Variants in RAB27A observed in about 807,000 individuals in gnomAD.
The protein encoded by RAB27A is ras-related protein Rab-27A.
RAB27A carries 17 observed loss-of-function variants against 20.8 expected under a neutral mutation model. The observed-to-expected ratio is 0.82, with a 90% CI of 0.56 to 1.23. The LOEUF is 1.23. RAB27A is among the 50% of genes most tolerant of loss of function. The pLI is 0.00. For synonymous variants in RAB27A, 85 were observed against 92.8 expected (o/e 0.92, Z 0.48); for missense variants, 277 against 266.7 (o/e 1.04, Z -0.27).
intron 3 of RAB27A, among the ~76,000 whole-genome samples, chr15:55,234,496 A>G (rs750470261): frequency 5.9e-5 from 9 of 152,328 alleles, no homozygotes; most frequent in Admixed American, 2.6e-4. Context: ...AGACAAAGGT[A>G]GACAAATAAC....
chr15:55,315,198 G>A (rs1244630941), intron 1 of RAB27A, among the ~76,000 whole-genome samples: 1 of 152,144 alleles, frequency 6.6e-6, no homozygotes, highest in African/African-American at 2.4e-5. Flanking sequence ...TGGGAAAACT[G>A]GCTAGCCATA....
chr15:55,210,902 G>T (rs546501267), intron 6 of RAB27A, among the ~76,000 whole-genome samples: 1 of 152,016 alleles, frequency 6.6e-6, no homozygotes, highest in Admixed American at 6.6e-5. Context: ...TTTCAAGTCC[G>T]ATATTTAAGT....
intron 6 of RAB27A, among the ~76,000 whole-genome samples, chr15:55,209,197 C>T (rs1220608087): frequency 4.6e-5 from 7 of 152,114 alleles, no homozygotes; most frequent in Non-Finnish European, 8.8e-5. Context: ...TTGTTGTAAA[C>T]TATAGTCACC....
chr15:55,244,779 C>A (rs1896625594), intron 2 of RAB27A, among the ~76,000 whole-genome samples: 7 of 152,110 alleles, frequency 4.6e-5, no homozygotes, highest in Admixed American at 4.6e-4. Context: ...AATTATAACA[C>A]CACATGTTCT....
intron 1 of RAB27A, 34 bp downstream of exon 1, chr15:55,289,682 C>T (rs1456777089): frequency 6.5e-6 from 1 of 152,798 alleles, no homozygotes; most frequent in African/African-American, 2.4e-5. Context: ...GGACCGGACC[C>T]GCCGCGCGCC....
At chr15:55,309,494 G>A (rs1030933800) in intron 2 of RAB27A, among the ~76,000 whole-genome samples, 21 of 152,212 alleles carry the variant, frequency 1.4e-4, no homozygotes, top group Admixed American at 6.5e-5. Context: ...GTCCAGGTAT[G>A]AGAACTGGCT....
chr15:55,239,686 T>C lies in RAB27A; in HGVS notation c.-22-4730A>G, dbSNP rs886846577. Among the ~76,000 whole-genome samples, 15 of 152,242 alleles carry C rather than the reference T, an allele frequency of 9.9e-5. 1 individual carries two copies. The highest frequency in any genetic ancestry group is 3.1e-4 in the African/African-American group (13 of 41,552). On this transcript the variant is annotated intron_variant, in intron 2 of 6. Coordinates refer to ENST00000336787, the MANE Select transcript of RAB27A (RefSeq NM_183235.3). Reference sequence around the variant, plus strand: ...CATGACCCAACAATGAAGATTCTGATTGGGGAAAACCTTTAGCAAATTTGG... The same window carrying C: ...CATGACCCAACAATGAAGATTCTGACTGGGGAAAACCTTTAGCAAATTTGG...
intron 2 of RAB27A, among the ~76,000 whole-genome samples, chr15:55,302,317 C>A (rs1355022700): frequency 6.6e-6 from 1 of 152,186 alleles, no homozygotes; most frequent in African/African-American, 2.4e-5. Flanking sequence ...GCGAGTGATC[C>A]CGCCAACCTC....
intron 2 of RAB27A, among the ~76,000 whole-genome samples, chr15:55,243,699 T>C (rs911630342): frequency 1.3e-5 from 2 of 152,170 alleles, no homozygotes; most frequent in Non-Finnish European, 2.9e-5. Context: ...CTCTTTTTCC[T>C]TCATTCAATA....
At chr15:55,262,308 A>G (rs556318526) in intron 2 of RAB27A, among the ~76,000 whole-genome samples, 8 of 152,102 alleles carry the variant, frequency 5.3e-5, no homozygotes, top group East Asian at 2.0e-4. Context: ...TTGGGAGGCC[A>G]AGGTGGGCGA....
intron 1 of RAB27A, among the ~76,000 whole-genome samples, chr15:55,277,109 C>T (rs1164449258): frequency 2.6e-5 from 4 of 152,122 alleles, no homozygotes; most frequent in Non-Finnish European, 5.9e-5. Flanking sequence ...AAATGGTATA[C>T]TTGTGGCAGG....
chr15:55,291,604 A>G (rs988167851), upstream of RAB27A, among the ~76,000 whole-genome samples: 2 of 151,772 alleles, frequency 1.3e-5, no homozygotes, highest in Non-Finnish European at 2.9e-5. Context: ...CTGATCAGCT[A>G]AAATCTGGGA....
chr15:55,224,012 C>A lies in RAB27A; in HGVS notation c.344G>T (p.Ser115Ile), dbSNP rs183582444. Residue 115 changes from serine to isoleucine, a missense_variant and splice_region_variant, in exon 6 of 7, where the codon AGC (serine) becomes ATC (isoleucine). By Grantham distance (142) the Ser-to-Ile change is moderately radical. Transcript: ENST00000336787. ...ACAATATGCATGCATCTGTAGCTGG[C>A]CTATTAATATAAGAAAGTTTATTAT... ...QSFLNVRNWI[S>I]QLQMHAYCEN... The A allele has an allele frequency of 6.4e-7, 1 of 1,567,632 alleles. No homozygotes were observed. The highest frequency in any genetic ancestry group is 8.8e-7 in the Non-Finnish European group (1 of 1,138,500).
chr15:55,304,272 G>C (rs559860584), intron 2 of RAB27A, among the ~76,000 whole-genome samples: 161 of 150,590 alleles, frequency 1.1e-3, no homozygotes, highest in East Asian at 2.7e-3. Flanking sequence ...CAGCATGCTC[G>C]TTAAGAGTCA....
intron 6 of RAB27A, among the ~76,000 whole-genome samples, chr15:55,209,733 T>C (rs1237663714): frequency 1.3e-5 from 2 of 148,434 alleles, no homozygotes; most frequent in Non-Finnish European, 3.0e-5. Context: ...TATATACACA[T>C]ATATATACAC....
intron 2 of RAB27A, among the ~76,000 whole-genome samples, chr15:55,256,921 T>C (rs748114504): frequency 4.6e-5 from 7 of 152,222 alleles, no homozygotes; most frequent in Non-Finnish European, 8.8e-5. Flanking sequence ...TGGTGACAGT[T>C]GTCCCTTCTA....
chr15:55,287,053 G>A (rs1898175576), intron 1 of RAB27A, among the ~76,000 whole-genome samples: 1 of 150,320 alleles, frequency 6.7e-6, no homozygotes, highest in South Asian at 2.1e-4. Flanking sequence ...CTGAGTAGCT[G>A]TGATTACAGG....
intron 2 of RAB27A, among the ~76,000 whole-genome samples, chr15:55,305,766 G>C (rs899602875): frequency 6.6e-6 from 1 of 152,206 alleles, no homozygotes; most frequent in Non-Finnish European, 1.5e-5. Flanking sequence ...CTGCTGCTAG[G>C]AAGTTAAGTT....
At chr15:55,307,978 T>C (rs1433675343) in intron 2 of RAB27A, among the ~76,000 whole-genome samples, 1 of 152,112 alleles carries the variant, frequency 6.6e-6, no homozygotes, top group East Asian at 1.9e-4. Context: ...CAAAAGTATT[T>C]TTCCTTCTTC....
Sources: allele counts gnomAD v4.1 joint callset (sites outside exome capture counted in the v4.1 genomes callset), GRCh38; gene constraint gnomAD v4.1.1; transcripts MANE v1.5; gene names NCBI Gene and HGNC (gene_info 2026-07-23, HGNC 2026-07-21).